The following PHLPP2 variants were observed in gnomAD, a reference collection of about 807,000 sequenced individuals.
PHLPP2 encodes PH domain leucine-rich repeat-containing protein phosphatase 2.
A neutral mutation model predicts 124.9 loss-of-function variants in PHLPP2; 66 were observed. That is an observed-to-expected ratio of 0.53 (90% CI 0.43 to 0.65). PHLPP2 has a LOEUF of 0.65. Among genes scored for constraint, PHLPP2 ranks in the 30% least tolerant of loss-of-function variants. The pLI is 0.00. For missense variants in PHLPP2, 1,685 were observed against 1,600.4 expected, an observed-to-expected ratio of 1.05 and a Z score of -0.90; for synonymous variants, 681 against 624.7, an observed-to-expected ratio of 1.09 and a Z score of -1.34.
intron 15 of PHLPP2, among the ~76,000 whole-genome samples, chr16:71,657,945 TG>T (rs1315857638): frequency 2.6e-5 from 4 of 152,234 alleles, no homozygotes; most frequent in Non-Finnish European, 5.9e-5. Flanking sequence ...GAACTTGTAT[TG>T]TCTCTTAGAT....
rs373100245 is a variant in PHLPP2 at position 71,716,592 on chromosome 16, T to C, written c.-6-1791A>G. On this transcript the variant is annotated intron_variant, in intron 1 of 18. Coordinates refer to ENST00000568954, the MANE Select transcript of PHLPP2 (RefSeq NM_015020.3). The stretch of plus-strand genomic sequence containing the variant: ...ATTTCCACTGACATTTCCGCAGCCA[T>C]ACCTCTCCAGCTTCGTTCCCTACTA... 9.2e-5 allele frequency among the ~76,000 whole-genome samples: 14 copies of C among 152,342 alleles called. No homozygotes were observed. In the South Asian group the frequency reaches 2.9e-3, roughly 32 times the overall value.
rs143993097 is a variant in PHLPP2 at position 71,689,199 on chromosome 16, G to A, written c.609+1320C>T. On this transcript the variant is annotated intron_variant, in intron 4 of 18. Coordinates refer to ENST00000568954, the MANE Select transcript of PHLPP2 (RefSeq NM_015020.3). ...TATTCTGTATTTGTAAGCTCAGCTA[G>A]GTCTTTTCATATTTTTATTATTATT... Among the ~76,000 whole-genome samples, 521 of 151,920 alleles carry A rather than the reference G, an allele frequency of 3.4e-3. 8 individuals are homozygous for A. The highest frequency in any genetic ancestry group is 0.012 in the African/African-American group (492 of 41,444).
chr16:71,713,405 G>A (rs1053589486), intron 2 of PHLPP2, among the ~76,000 whole-genome samples: 1 of 152,094 alleles, frequency 6.6e-6, no homozygotes, highest in Non-Finnish European at 1.5e-5. Context: ...CTATGAAGAA[G>A]AATTTGACAG....
intron 5 of PHLPP2, 92 bp downstream of exon 5, chr16:71,684,384 C>T (rs1191838032): frequency 3.5e-5 from 48 of 1,358,320 alleles, no homozygotes; most frequent in Admixed American, 3.6e-5. Flanking sequence ...CCTCGGCCTC[C>T]CAAAGTGCTG....
At chr16:71,689,679 C>T (rs1174448027) in intron 4 of PHLPP2, among the ~76,000 whole-genome samples, 3 of 151,794 alleles carry the variant, frequency 2.0e-5, no homozygotes, top group Non-Finnish European at 2.9e-5. Context: ...ATTACAGGCA[C>T]GAGCCACCGC....
chr16:71,682,726 G>A (rs1468386549), intron 5 of PHLPP2, among the ~76,000 whole-genome samples: 5 of 152,118 alleles, frequency 3.3e-5, no homozygotes, highest in Non-Finnish European at 5.9e-5. Context: ...ACTTAAAACT[G>A]GGACTAGTTT....
chr16:71,656,751 A>AT, intron 15 of PHLPP2, 70 bp from the exon 16 acceptor site: 2 of 914,238 alleles, frequency 2.2e-6, no homozygotes, highest in African/African-American at 1.7e-5. Flanking sequence ...CAACAATAGT[A>AT]TTCTTTTTTT....
At chr16:71,663,813 G>T in intron 13 of PHLPP2, 86 bp downstream of exon 13, 1 of 1,017,342 alleles carries the variant, frequency 9.8e-7, no homozygotes, top group Non-Finnish European at 1.5e-6. Context: ...TAAACAAAGA[G>T]TCATAGTCAG....
At chr16:71,715,924 A>T (rs1467676903) in intron 1 of PHLPP2, among the ~76,000 whole-genome samples, 2 of 151,106 alleles carry the variant, frequency 1.3e-5, no homozygotes, top group South Asian at 2.1e-4. Flanking sequence ...TGAACCCAGG[A>T]GGCAGAGATT....
At position 71,684,560 on chromosome 16, in the gene PHLPP2, G is replaced by A. The variant is rs1597003880; in HGVS notation, c.651C>T (p.Ser217=). The A allele has an allele frequency of 1.2e-6, 2 of 1,613,716 alleles. No individual in the cohort carries two copies. The highest frequency in any genetic ancestry group is 2.2e-5 in the South Asian group (2 of 91,068). ...VKRRQYSLAF[S]SAGAQAQTYH... is the part of the protein sequence containing the mutation. ...AGGTCTGAGCTTGGGCTCCTGCTGA[G>A]CTGAAAGCAAGGGAGTATTGCCGTC... Residue 217 remains serine (S), a synonymous_variant, in exon 5 of 19, where the codon AGC becomes AGT. Transcript: ENST00000568954.
chr16:71,686,402 A>G (rs907969022), intron 4 of PHLPP2, among the ~76,000 whole-genome samples: 2 of 152,010 alleles, frequency 1.3e-5, no homozygotes, highest in African/African-American at 4.8e-5. Flanking sequence ...TTGAACTCCT[A>G]GACTCAAACA....
intron 5 of PHLPP2, among the ~76,000 whole-genome samples, chr16:71,683,495 T>A (rs2145343388): frequency 6.6e-6 from 1 of 152,338 alleles, no homozygotes; most frequent in East Asian, 1.9e-4. Flanking sequence ...TGAATCCATC[T>A]ATCACTGACT....
At position 71,648,734 on chromosome 16, in the gene PHLPP2, G is replaced by A; in HGVS notation, c.*156C>T. On this transcript the variant is annotated 3_prime_UTR_variant, in exon 19 of 19. Transcript: ENST00000568954. The stretch of plus-strand genomic sequence containing the variant: ...TGCAGTGACCCGAGACCCCACCATT[G>A]CACTCCAGCCTGAGCGACTGAGCAA... The A allele has an allele frequency of 3.2e-6, 2 of 623,952 alleles. No individual in the cohort carries two copies. The highest frequency in any genetic ancestry group is 4.0e-5 in the South Asian group (2 of 49,812). The allele number at this position is 623,952 out of a possible 1,614,324, so 38.7% of individuals were successfully genotyped here. A position where few individuals can be genotyped will look rare whatever the true frequency, so the allele number is the denominator to read the frequency against.
chr16:71,700,595 G>A lies in PHLPP2; in HGVS notation c.418+2003C>T, dbSNP rs571287252. 4.2e-5 allele frequency among the ~76,000 whole-genome samples: 6 copies of A among 141,670 alleles called. No homozygotes were observed. In the South Asian group the frequency reaches 6.9e-4, roughly 16 times the overall value. The allele number at this position is 141,670 out of a possible 152,430, so 92.9% of individuals were successfully genotyped here. A position where few individuals can be genotyped will look rare whatever the true frequency, so the allele number is the denominator to read the frequency against. ...GGCTTGAGTGCAGGGGCACGATCTC[G>A]GCTCACTGCAAGCTCTACCTCCCAG... On this transcript the variant is annotated intron_variant, in intron 3 of 18. Transcript: ENST00000568954.
Position 71,649,922 on chromosome 16 carries a change from C to A in PHLPP2, c.2940G>T (p.Leu980=). ...CCCACAATGCTTTGTTTCCCAGAAT[C>A]AGCAACTCATCTTGAATGGTCAGCG... The part of the protein sequence containing the change: ...STPLTIQDEL[L]ILGNKALWEH... Residue 980 remains leucine (L), a synonymous_variant, in exon 19 of 19, where the codon CTG becomes CTT. Coordinates refer to ENST00000568954, the MANE Select transcript of PHLPP2 (RefSeq NM_015020.3). The A allele has an allele frequency of 6.2e-7, 1 of 1,614,194 alleles. No individual in the cohort carries two copies. Among genetic ancestry groups the A allele is most frequent in the Non-Finnish European group, 8.5e-7 (1 of 1,180,036 alleles).
At chr16:71,651,325 C>A (rs576213372) in intron 18 of PHLPP2, among the ~76,000 whole-genome samples, 1 of 147,328 alleles carries the variant, frequency 6.8e-6, no homozygotes, top group Non-Finnish European at 1.5e-5. Context: ...GCAATAAGAA[C>A]GAAATTCTGC....
intron 2 of PHLPP2, among the ~76,000 whole-genome samples, chr16:71,712,808 T>C (rs1253266196): frequency 6.6e-6 from 1 of 152,248 alleles, no homozygotes; most frequent in East Asian, 1.9e-4. Context: ...GTTACTATTA[T>C]TACCACACTT....
intron 3 of PHLPP2, among the ~76,000 whole-genome samples, chr16:71,701,308 CTATCTATA>C (rs1271011007): frequency 1.1e-3 from 81 of 70,592 alleles, no homozygotes; most frequent in East Asian, 3.1e-3. Context: ...ATCTATCTAT[CTATCTATA>C]TATCTATCTA....
intron 3 of PHLPP2, chr16:71,698,466 G>C: frequency 1.3e-6 from 1 of 748,392 alleles, no homozygotes. Flanking sequence ...TGTGAACCTC[G>C]GCCACAGTGC....
Sources: gnomAD v4.1 joint callset for allele counts (sites outside exome capture counted in the v4.1 genomes callset) on GRCh38, gnomAD v4.1.1 for gene constraint, MANE v1.5 for transcripts, NCBI Gene and HGNC (gene_info 2026-07-23, HGNC 2026-07-21) for gene names.